GALNT17: variants seen among roughly 807,000 people sequenced by gnomAD.
The protein encoded by GALNT17 is UDP-GalNAc:polypeptide N-acetylgalactosaminyltransferase-like 3.
A neutral mutation model predicts 63.7 loss-of-function variants in GALNT17; 29 were observed. The observed-to-expected ratio is 0.46, with a 90% CI of 0.34 to 0.62. The LOEUF (loss-of-function observed/expected upper bound fraction) is 0.62, where lower values mean the gene tolerates loss of function less well. Ranked by LOEUF, GALNT17 falls within the 20% of genes least tolerant of loss-of-function variation. The pLI, the probability that GALNT17 is intolerant of heterozygous loss-of-function variation, is 0.01. For missense variants in GALNT17, 603 were observed against 799.6 expected (o/e 0.75, Z 2.97); for synonymous variants, 305 against 318.3 (o/e 0.96, Z 0.45).
At chr7:71,605,945 T>G (rs1790040945) in intron 6 of GALNT17, among the ~76,000 whole-genome samples, 1 of 152,078 alleles carries the variant, frequency 6.6e-6, no homozygotes, top group Admixed American at 6.6e-5. Context: ...CCCATTTGGT[T>G]GATTGATTGA....
At chr7:71,298,399 A>G (rs1255058042) in intron 1 of GALNT17, among the ~76,000 whole-genome samples, 1 of 152,236 alleles carries the variant, frequency 6.6e-6, no homozygotes, top group East Asian at 1.9e-4. Flanking sequence ...ACAGAAAATA[A>G]GGATATATAG....
intron 5 of GALNT17, among the ~76,000 whole-genome samples, chr7:71,452,585 A>C (rs1787283629): frequency 6.6e-6 from 1 of 152,204 alleles, no homozygotes; most frequent in Non-Finnish European, 1.5e-5. Flanking sequence ...AGGGAGGCCT[A>C]ATATATGATC....
intron 2 of GALNT17, among the ~76,000 whole-genome samples, chr7:71,347,720 T>C (rs146933008): frequency 1.2e-3 from 186 of 152,158 alleles, no homozygotes; most frequent in African/African-American, 4.3e-3. Flanking sequence ...CATAAGGTTC[T>C]TCCCAGGCCT....
chr7:71,196,888 A>G (rs1385283902), intron 1 of GALNT17, among the ~76,000 whole-genome samples: 4 of 152,034 alleles, frequency 2.6e-5, no homozygotes, highest in African/African-American at 9.7e-5. Context: ...TCCTGACCTC[A>G]AGTGATCTGC....
At chr7:71,133,144 C>A in intron 1 of GALNT17, 104 bp downstream of exon 1, 1 of 1,056,612 alleles carries the variant, frequency 9.5e-7, no homozygotes, top group Non-Finnish European at 1.3e-6. Flanking sequence ...GGAGCCGGCA[C>A]ACCCTGGCTC....
At chr7:71,284,954 T>A (rs1790846675) in intron 1 of GALNT17, among the ~76,000 whole-genome samples, 1 of 151,842 alleles carries the variant, frequency 6.6e-6, no homozygotes, top group Non-Finnish European at 1.5e-5. Flanking sequence ...ACTGGTGGGG[T>A]GGCATCCAAG....
chr7:71,323,746 C>G (rs1317346314), intron 1 of GALNT17, among the ~76,000 whole-genome samples: 1 of 152,178 alleles, frequency 6.6e-6, no homozygotes, highest in Non-Finnish European at 1.5e-5. Context: ...TTGGCCAGTG[C>G]AGTTTATAAT....
At chr7:71,241,782 G>T (rs1402367550) in intron 1 of GALNT17, among the ~76,000 whole-genome samples, 2 of 152,126 alleles carry the variant, frequency 1.3e-5, no homozygotes, top group Admixed American at 6.5e-5. Flanking sequence ...CCAGCAGCTT[G>T]GGAGGCTGAG....
chr7:71,295,467 T>C (rs1316192709), intron 1 of GALNT17, among the ~76,000 whole-genome samples: 1 of 151,904 alleles, frequency 6.6e-6, no homozygotes, highest in Non-Finnish European at 1.5e-5. Flanking sequence ...TCTCTCTGTC[T>C]CTCTTTGTTT....
chr7:71,551,485 G>C (rs1226871234), intron 5 of GALNT17, among the ~76,000 whole-genome samples: 1 of 151,966 alleles, frequency 6.6e-6, no homozygotes, highest in African/African-American at 2.4e-5. Flanking sequence ...TCTAACTTTT[G>C]GCCTCTTGAT....
At chr7:71,348,805 C>T (rs1456813194) in intron 2 of GALNT17, among the ~76,000 whole-genome samples, 2 of 152,186 alleles carry the variant, frequency 1.3e-5, no homozygotes, top group East Asian at 1.9e-4. Context: ...CACACTGTTA[C>T]TGGGGACTTG....
intron 2 of GALNT17, among the ~76,000 whole-genome samples, chr7:71,345,644 T>C (rs1311363428): frequency 2.0e-5 from 3 of 152,056 alleles, no homozygotes; most frequent in Non-Finnish European, 4.4e-5. Context: ...CTCCAGTGGG[T>C]ATTTTAGGTT....
chr7:71,305,633 C>T lies in GALNT17; in HGVS notation c.239-29917C>T, dbSNP rs547310861. 7.2e-5 allele frequency among the ~76,000 whole-genome samples: 11 copies of T among 152,128 alleles called. 1 individual carries two copies. Among genetic ancestry groups the T allele is most frequent in the Admixed American group, 5.9e-4 (9 of 15,276 alleles). On this transcript the variant is annotated intron_variant, in intron 1 of 10. Coordinates refer to ENST00000333538, the MANE Select transcript of GALNT17 (RefSeq NM_022479.3). ...GGGTGTTATGACAACGGTGAGGGGACGGGGGAGGGCCCCTCCAGGAAGTTG... is the reference window on the plus strand; with the variant it reads ...GGGTGTTATGACAACGGTGAGGGGATGGGGGAGGGCCCCTCCAGGAAGTTG...
intron 1 of GALNT17, among the ~76,000 whole-genome samples, chr7:71,145,265 AG>A (rs1387848707): frequency 6.6e-6 from 1 of 152,164 alleles, no homozygotes; most frequent in African/African-American, 2.4e-5. Flanking sequence ...TCCATGGAGC[AG>A]TTAAGGGGAA....
At chr7:71,431,209 C>CTTTTTTT (rs1265130879) in intron 5 of GALNT17, among the ~76,000 whole-genome samples, 12 of 115,112 alleles carry the variant, frequency 1.0e-4, no homozygotes, top group African/African-American at 2.6e-4. Flanking sequence ...CTTTTCTTTT[C>CTTTTTTT]TTTTTTTTTT....
chr7:71,310,784 C>T (rs1453752795), intron 1 of GALNT17, among the ~76,000 whole-genome samples: 1 of 152,200 alleles, frequency 6.6e-6, no homozygotes, highest in Non-Finnish European at 1.5e-5. Flanking sequence ...CACCTAGTAA[C>T]AAAAGGGCTA....
At chr7:71,408,032 A>G (rs117497592) in intron 3 of GALNT17, among the ~76,000 whole-genome samples, 1 of 152,260 alleles carries the variant, frequency 6.6e-6, no homozygotes, top group East Asian at 1.9e-4. Context: ...AGTGAATTGT[A>G]TATTGTAAAA....
intron 6 of GALNT17, among the ~76,000 whole-genome samples, chr7:71,581,824 A>G (rs1051776325): frequency 2.6e-5 from 4 of 152,142 alleles, no homozygotes; most frequent in African/African-American, 9.7e-5. Context: ...CTCTAACCTG[A>G]CAGTGAGATG....
intron 1 of GALNT17, among the ~76,000 whole-genome samples, chr7:71,222,976 T>TG (rs1789614510): frequency 6.6e-6 from 1 of 152,082 alleles, no homozygotes; most frequent in Admixed American, 6.6e-5. Flanking sequence ...TGGAGGCTGA[T>TG]GGGGGACCAT....
Sources: gnomAD v4.1 joint callset for allele counts (sites outside exome capture counted in the v4.1 genomes callset) on GRCh38, gnomAD v4.1.1 for gene constraint, MANE v1.5 for transcripts, NCBI Gene and HGNC (gene_info 2026-07-23, HGNC 2026-07-21) for gene names.